Variants in ENAH observed in about 807,000 individuals in gnomAD.
ENAH encodes the protein protein enabled homolog.
Under a neutral mutation model 78.7 loss-of-function variants are expected in ENAH, and 23 were observed. That is an observed-to-expected ratio of 0.29 (90% CI 0.21 to 0.41). The LOEUF is 0.41. Among genes scored for constraint, ENAH ranks in the 10% least tolerant of loss-of-function variants. The pLI is 1.00. For synonymous variants in ENAH, 226 were observed against 241.0 expected (o/e 0.94, Z 0.58); for missense variants, 544 against 691.0 (o/e 0.79, Z 2.39).
At chr1:225,503,677 A>AAAAC (rs1217578078) in intron 11 of ENAH, among the ~76,000 whole-genome samples, 2 of 138,814 alleles carry the variant, frequency 1.4e-5, no homozygotes, top group East Asian at 2.0e-4. Flanking sequence ...AAAAAAAAAA[A>AAAAC]ACACAAAACT....
intron 7 of ENAH, among the ~76,000 whole-genome samples, chr1:225,513,984 C>T (rs1308929593): frequency 4.0e-5 from 6 of 151,172 alleles, no homozygotes; most frequent in South Asian, 2.1e-4. Context: ...AGTGAAACTC[C>T]GTCTCAAGAG....
chr1:225,581,936 G>T (rs903539658), intron 1 of ENAH, among the ~76,000 whole-genome samples: 1 of 151,454 alleles, frequency 6.6e-6, no homozygotes, highest in Admixed American at 6.6e-5. Flanking sequence ...CTGAGCTCAA[G>T]CAATCCTCAT....
At chr1:225,622,824 T>TAAG (rs999490966) in intron 1 of ENAH, among the ~76,000 whole-genome samples, 1 of 152,050 alleles carries the variant, frequency 6.6e-6, no homozygotes, top group African/African-American at 2.4e-5. Flanking sequence ...CTTAAGCATG[T>TAAG]AAGGGCAGCT....
intron 1 of ENAH, among the ~76,000 whole-genome samples, chr1:225,576,932 CA>C (rs1180607237): frequency 1.3e-5 from 2 of 152,066 alleles, no homozygotes; most frequent in Non-Finnish European, 2.9e-5. Context: ...CCCAGGAGTT[CA>C]AGACCAGCCT....
At chr1:225,557,396 A>G (rs537514822) in intron 2 of ENAH, among the ~76,000 whole-genome samples, 13 of 152,324 alleles carry the variant, frequency 8.5e-5, no homozygotes, top group Admixed American at 2.0e-4. Flanking sequence ...TTCCTTTCCA[A>G]TCCATTCACA....
intron 11 of ENAH, among the ~76,000 whole-genome samples, chr1:225,507,615 T>A (rs182085784): frequency 2.6e-5 from 4 of 152,256 alleles, no homozygotes; most frequent in Non-Finnish European, 5.9e-5. Context: ...TTGACAACTG[T>A]TAAACCTAGG....
intron 1 of ENAH, among the ~76,000 whole-genome samples, chr1:225,617,420 G>C (rs1558916507): frequency 6.6e-6 from 1 of 152,244 alleles, no homozygotes; most frequent in East Asian, 1.9e-4. Flanking sequence ...AGAAATTGGG[G>C]TTACTAGGAT....
chr1:225,555,759 GC>G (rs1224698234), intron 2 of ENAH, among the ~76,000 whole-genome samples: 1 of 151,990 alleles, frequency 6.6e-6, no homozygotes, highest in Non-Finnish European at 1.5e-5. Flanking sequence ...AACACCAGAA[GC>G]CCCTCTTCTT....
At chr1:225,618,738 C>G (rs1278408820) in intron 1 of ENAH, among the ~76,000 whole-genome samples, 1 of 152,200 alleles carries the variant, frequency 6.6e-6, no homozygotes, top group African/African-American at 2.4e-5. Flanking sequence ...AGAACACTAT[C>G]TCTGTGCTTT....
chr1:225,537,592 C>T (rs1472038003), intron 3 of ENAH, among the ~76,000 whole-genome samples: 1 of 152,164 alleles, frequency 6.6e-6, no homozygotes, highest in African/African-American at 2.4e-5. Flanking sequence ...GGAAAGAACA[C>T]TTATTGTCCA....
At chr1:225,500,826 T>C (rs1182647431) in intron 12 of ENAH, among the ~76,000 whole-genome samples, 166 bp downstream of exon 12, 3 of 152,204 alleles carry the variant, frequency 2.0e-5, no homozygotes, top group Non-Finnish European at 4.4e-5. Flanking sequence ...ACCGGAAGTG[T>C]AGATTTGCAA....
chr1:225,615,641 G>A (rs1263969585), intron 1 of ENAH, among the ~76,000 whole-genome samples: 1 of 144,926 alleles, frequency 6.9e-6, no homozygotes, highest in Non-Finnish European at 1.5e-5. Flanking sequence ...TGTGGGGAGC[G>A]CCTCTGCCCC....
chr1:225,577,889 T>G (rs574085888), intron 1 of ENAH, among the ~76,000 whole-genome samples: 1 of 152,338 alleles, frequency 6.6e-6, no homozygotes, highest in Admixed American at 6.5e-5. Context: ...TAATCTTTTT[T>G]TCAATAGGGA....
chr1:225,493,928 T>C lies in ENAH; in HGVS notation c.*3847A>G, dbSNP rs1041287827. The C allele has an allele frequency of 5.9e-5, 9 of 152,178 alleles. No homozygotes were observed. Among genetic ancestry groups the C allele is most frequent in the African/African-American group, 2.2e-4 (9 of 41,552 alleles). 9.4% of individuals were successfully genotyped at this position (152,178 alleles called of 1,614,324 possible). A position where few individuals can be genotyped will look rare whatever the true frequency, so the allele number is the denominator to read the frequency against. On this transcript the variant is annotated 3_prime_UTR_variant, in exon 14 of 14. Transcript: ENST00000366843. ...AGTATATATAAATTTACAAGAGACA[T>C]AAAAGTTGTAGCTAGGTAAATTTAA...
chr1:225,530,610 T>C lies in ENAH; in HGVS notation c.378A>G (p.Gln126=). The C allele has an allele frequency of 2.5e-6, 4 of 1,613,582 alleles. No individual in the cohort carries two copies. The highest frequency in any genetic ancestry group is 2.2e-5 in the East Asian group (1 of 44,840). ...GGCCATTTTGAACTTGAGCAGGTAG[T>C]TGTGAGTTTTGTCTAGGCAATGTTG... is the stretch of plus-strand genomic sequence containing the variant. The part of the protein sequence containing the change: ...TGPTLPRQNS[Q]LPAQVQNGPS... Residue 126 remains glutamine, a synonymous_variant, in exon 4 of 14, where the codon CAA becomes CAG. Coordinates refer to ENST00000366843, the MANE Select transcript of ENAH (RefSeq NM_018212.6).
intron 12 of ENAH, among the ~76,000 whole-genome samples, chr1:225,498,976 A>G (rs2096265712): frequency 6.6e-6 from 1 of 152,206 alleles, no homozygotes; most frequent in Non-Finnish European, 1.5e-5. Context: ...CCAATACGGC[A>G]GGCACGAATC....
At chr1:225,576,728 T>A (rs1307944828) in intron 1 of ENAH, among the ~76,000 whole-genome samples, 1 of 152,128 alleles carries the variant, frequency 6.6e-6, no homozygotes, top group Non-Finnish European at 1.5e-5. Context: ...GGAACATCCA[T>A]ATGAAGAGGC....
At chr1:225,565,085 G>C (rs2096727968) in intron 2 of ENAH, among the ~76,000 whole-genome samples, 1 of 152,098 alleles carries the variant, frequency 6.6e-6, no homozygotes, top group Admixed American at 6.5e-5. Context: ...TCATAGGATA[G>C]TTTACTTCTC....
intron 1 of ENAH, among the ~76,000 whole-genome samples, chr1:225,586,043 T>A (rs1012288567): frequency 6.6e-6 from 1 of 151,734 alleles, no homozygotes; most frequent in African/African-American, 2.4e-5. Context: ...GTCAGACTCT[T>A]AACTCTATAA....
Sources: gnomAD v4.1 joint callset for allele counts (sites outside exome capture counted in the v4.1 genomes callset) on GRCh38, gnomAD v4.1.1 for gene constraint, MANE v1.5 for transcripts, NCBI Gene and HGNC (gene_info 2026-07-23, HGNC 2026-07-21) for gene names.